Variants in ADGRB1 observed in about 807,000 individuals in gnomAD.
ADGRB1 encodes the protein adhesion G protein-coupled receptor B1.
A neutral mutation model predicts 175.7 loss-of-function variants in ADGRB1; 36 were observed. The observed-to-expected ratio is 0.20, with a 90% CI of 0.16 to 0.27. ADGRB1 has a LOEUF of 0.27. Ranked by LOEUF, ADGRB1 falls within the 10% of genes least tolerant of loss-of-function variation. The probability of loss-of-function intolerance (pLI) is 1.00; values close to 1 mark genes in which losing one functional copy is unlikely to be tolerated. For missense variants in ADGRB1, 1,731 were observed against 2,255.3 expected (o/e 0.77, Z 4.71); for synonymous variants, 1,054 against 979.4 (o/e 1.08, Z -1.42).
chr8:142,509,820 C>T (rs1842989993), intron 17 of ADGRB1, among the ~76,000 whole-genome samples: 1 of 152,212 alleles, frequency 6.6e-6, no homozygotes, highest in Non-Finnish European at 1.5e-5. Flanking sequence ...CACCCACAAG[C>T]TCTTGGGGCT....
intron 24 of ADGRB1, among the ~76,000 whole-genome samples, chr8:142,530,632 G>A (rs1361844566): frequency 1.3e-5 from 2 of 152,174 alleles, no homozygotes; most frequent in African/African-American, 2.4e-5. Flanking sequence ...CTGGGGCAGC[G>A]TCCACACTGG....
chr8:142,541,775 G>T (rs1435133463), intron 27 of ADGRB1, among the ~76,000 whole-genome samples, 166 bp from the exon 28 acceptor site: 1 of 152,158 alleles, frequency 6.6e-6, no homozygotes, highest in Non-Finnish European at 1.5e-5. Context: ...TGGGTAGGGT[G>T]GTACCTGCAG....
chr8:142,522,617 AC>A, intron 21 of ADGRB1, 23 bp from the exon 22 acceptor site: 2 of 1,540,282 alleles, frequency 1.3e-6, no homozygotes, highest in Non-Finnish European at 8.7e-7. Flanking sequence ...TGGGGCCAAC[AC>A]CCTCTCTCTG....
At position 142,511,109 on chromosome 8, in the gene ADGRB1, G is replaced by A. The variant is rs1843077186; in HGVS notation, c.2817+36G>A. The A allele has an allele frequency of 2.8e-6, 3 of 1,071,758 alleles. No homozygotes were observed. The highest frequency in any genetic ancestry group is 6.2e-5 in the East Asian group (1 of 16,058). 66.4% of individuals were successfully genotyped at this position (1,071,758 alleles called of 1,614,324 possible). A position where few individuals can be genotyped will look rare whatever the true frequency, so the allele number is the denominator to read the frequency against. ...GGCCGGGCCGGCGGGAGGGGCGCCG[G>A]GCAGGGGCGCGGGCGGGGGCTGCCG... On this transcript the variant is annotated intron_variant, in intron 18 of 30. Coordinates refer to ENST00000517894, the MANE Select transcript of ADGRB1 (RefSeq NM_001702.3). The surrounding 1 kb of genome is among the most constrained non-coding windows in gnomAD (Gnocchi z 4.5).
In ADGRB1 at chr8:142,478,239, C is replaced by G. The variant is rs368362951; in HGVS notation, c.1440C>G (p.Ser480=). 1 of 1,608,526 alleles carries G rather than the reference C, an allele frequency of 6.2e-7. No homozygotes were observed. Among genetic ancestry groups the G allele is most frequent in the Non-Finnish European group, 8.5e-7 (1 of 1,178,190 alleles). Residue 480 remains serine (S), a synonymous_variant, in exon 7 of 31, where the codon TCC becomes TCG. Coordinates refer to ENST00000517894, the MANE Select transcript of ADGRB1 (RefSeq NM_001702.3). ...WNEWSSWSAC[S]ASCSQGRQQR... ...AGTGGTCGAGCTGGAGCGCCTGCTC[C>G]GCCAGCTGCTCCCAGGGCCGACAGC...
chr8:142,522,528 G>T, intron 21 of ADGRB1, 113 bp from the exon 22 acceptor site: 1 of 1,055,724 alleles, frequency 9.5e-7, no homozygotes. Flanking sequence ...TCCTCTGTTG[G>T]GGGCTTCAGA....
At chr8:142,538,787 C>G (rs924990552) in intron 26 of ADGRB1, among the ~76,000 whole-genome samples, 9 of 152,188 alleles carry the variant, frequency 5.9e-5, no homozygotes, top group Non-Finnish European at 1.0e-4. Context: ...ACATCCCCCC[C>G]CACCACCTCT....
Position 142,479,358 on chromosome 8 carries a change from A to G in ADGRB1, c.1597A>G (p.Ser533Gly). The change falls in exon 8 of 31, where the codon AGT becomes GGT. Residue 533 changes from serine (S) to glycine (G), a missense_variant. Physicochemically the swap from Ser to Gly is moderately conservative, Grantham distance 56. Transcript: ENST00000517894. ...GKWQAWASWG[S>G]CSVTCGAGSQ... ...GTGGCAGGCCTGGGCGTCATGGGGCAGTTGCAGCGTCACGTGTGGGGCTGG... is the reference window on the plus strand; with the variant it reads ...GTGGCAGGCCTGGGCGTCATGGGGCGGTTGCAGCGTCACGTGTGGGGCTGG... 6.5e-7 allele frequency: 1 copy of G among 1,531,670 alleles called. No homozygotes were observed. Among genetic ancestry groups the G allele is most frequent in the Admixed American group, 2.2e-5 (1 of 45,260 alleles). 94.9% of individuals were successfully genotyped at this position (1,531,670 alleles called of 1,614,324 possible).
chr8:142,500,167 C>G (rs962039257), intron 17 of ADGRB1, among the ~76,000 whole-genome samples: 3 of 152,066 alleles, frequency 2.0e-5, no homozygotes, highest in African/African-American at 7.2e-5. Flanking sequence ...TCGGGGCAGG[C>G]AGGCTGGACA....
intron 17 of ADGRB1, among the ~76,000 whole-genome samples, chr8:142,509,809 G>C (rs781026980): frequency 1.3e-5 from 2 of 152,236 alleles, no homozygotes; most frequent in African/African-American, 2.4e-5. Context: ...CTGCAGAGCT[G>C]CACCCACAAG....
intron 17 of ADGRB1, among the ~76,000 whole-genome samples, chr8:142,495,158 G>C (rs541359022): frequency 6.6e-6 from 1 of 152,198 alleles, no homozygotes; most frequent in African/African-American, 2.4e-5. Flanking sequence ...TGGACAAGCG[G>C]GGGTGTGGAT....
At chr8:142,486,596 A>G (rs1345851791) in intron 13 of ADGRB1, among the ~76,000 whole-genome samples, 1 of 152,250 alleles carries the variant, frequency 6.6e-6, no homozygotes, top group East Asian at 1.9e-4. Context: ...GGCGGCATTC[A>G]GACGTGTCTG....
At position 142,455,132 on chromosome 8, in the gene ADGRB1, C is replaced by T. The variant is rs903666198; in HGVS notation, c.-220+5028C>T. 1.3e-5 allele frequency among the ~76,000 whole-genome samples: 2 copies of T among 149,590 alleles called. No homozygotes were observed. Among genetic ancestry groups the T allele is most frequent in the Admixed American group, 1.3e-4 (2 of 14,992 alleles). On this transcript the variant is annotated intron_variant, in intron 1 of 30. Coordinates refer to ENST00000517894, the MANE Select transcript of ADGRB1 (RefSeq NM_001702.3). This position sits in a 1 kb window ranked among gnomAD's most constrained non-coding sequence, Gnocchi z 4.9. ...ACCCCATCACCCCCACCACCATTGCCCCCGAGGCTACCTCAGCCGCACCCT... is the reference window on the plus strand; with the variant it reads ...ACCCCATCACCCCCACCACCATTGCTCCCGAGGCTACCTCAGCCGCACCCT...
intron 26 of ADGRB1, 55 bp from the exon 27 acceptor site, chr8:142,539,319 C>A: frequency 6.5e-7 from 1 of 1,544,676 alleles, no homozygotes; most frequent in Non-Finnish European, 8.8e-7. Context: ...TGCACGCGTG[C>A]ACACACCCCC....
intron 7 of ADGRB1, 145 bp downstream of exon 7, chr8:142,478,505 T>G: frequency 1.1e-5 from 10 of 896,236 alleles, no homozygotes; most frequent in East Asian, 3.5e-5. Flanking sequence ...GGGTCTGGGG[T>G]GGCTGTGGGG....
chr8:142,472,306 A>C (rs1005432323), intron 2 of ADGRB1, among the ~76,000 whole-genome samples: 2 of 152,186 alleles, frequency 1.3e-5, no homozygotes, highest in Non-Finnish European at 2.9e-5. Flanking sequence ...CTGGGTGGCC[A>C]GGCTGCCTGG....
At position 142,537,786 on chromosome 8, in the gene ADGRB1, G is replaced by A. The variant is rs532099423; in HGVS notation, c.3666+704G>A. ...GGGCGGCCCAAGTGGCGGTTCCTACGTAAGGGCCCCCAACAGCCCCCTGTG... is the reference window on the plus strand; with the variant it reads ...GGGCGGCCCAAGTGGCGGTTCCTACATAAGGGCCCCCAACAGCCCCCTGTG... On this transcript the variant is annotated intron_variant, in intron 26 of 30. Transcript: ENST00000517894. This position sits in a 1 kb window ranked among gnomAD's most constrained non-coding sequence, Gnocchi z 4.6. Among the ~76,000 whole-genome samples the A allele has an allele frequency of 2.2e-4, 34 of 152,224 alleles. No individual in the cohort carries two copies. The East Asian group carries it at 6.0e-3, about 27-fold the overall frequency.
At chr8:142,480,740 C>T (rs1283069612) in intron 9 of ADGRB1, among the ~76,000 whole-genome samples, 2 of 152,188 alleles carry the variant, frequency 1.3e-5, no homozygotes, top group Admixed American at 1.3e-4. Flanking sequence ...TCAGCTGTCC[C>T]TGTTTCTCTG....
chr8:142,522,655 G>A lies in ADGRB1; in HGVS notation c.3190G>A (p.Val1064Ile). The A allele has an allele frequency of 6.4e-7, 1 of 1,562,302 alleles. No individual in the cohort carries two copies. Among genetic ancestry groups the A allele is most frequent in the South Asian group, 1.2e-5 (1 of 83,894 alleles). ...TCCTTCTCCAGGGCTCCCTGCACTG[G>A]TTGTGGCCATTTCTGTGGGATTCAC... ...LCLGWGLPAL[V>I]VAISVGFTKA... is the part of the protein sequence containing the mutation. Residue 1064 changes from valine (V) to isoleucine (I), a missense_variant, in exon 22 of 31, where the codon GTT becomes ATT. Coordinates refer to ENST00000517894, the MANE Select transcript of ADGRB1 (RefSeq NM_001702.3).
Sources: allele counts gnomAD v4.1 joint callset (sites outside exome capture counted in the v4.1 genomes callset), GRCh38; gene constraint gnomAD v4.1.1; non-coding constraint Gnocchi (gnomAD v3.1); transcripts MANE v1.5; gene names NCBI Gene and HGNC (gene_info 2026-07-23, HGNC 2026-07-21).